PALM2AKAP2: variants seen among roughly 807,000 people sequenced by gnomAD.
The protein encoded by PALM2AKAP2 is PALM2 and AKAP2 fusion.
Under a neutral mutation model 71.5 loss-of-function variants are expected in PALM2AKAP2, and 37 were observed. The observed-to-expected ratio is 0.52, with a 90% CI of 0.40 to 0.68. PALM2AKAP2 has a LOEUF of 0.68. Ranked by LOEUF, PALM2AKAP2 falls within the 30% of genes least tolerant of loss-of-function variation. PALM2AKAP2 has a pLI of 0.00. For synonymous variants in PALM2AKAP2, 468 were observed against 478.8 expected, an observed-to-expected ratio of 0.98 and a Z score of 0.29; for missense variants, 1,224 against 1,191.8, an observed-to-expected ratio of 1.03 and a Z score of -0.40.
intron 1 of PALM2AKAP2, among the ~76,000 whole-genome samples, chr9:109,694,691 G>C (rs1466085265): frequency 6.6e-6 from 1 of 151,970 alleles, no homozygotes; most frequent in East Asian, 1.9e-4. Flanking sequence ...GGTGTATCAG[G>C]AAAAAGAAAT....
At chr9:109,980,645 A>G (rs1055941636) in intron 6 of PALM2AKAP2, among the ~76,000 whole-genome samples, 1 of 152,184 alleles carries the variant, frequency 6.6e-6, no homozygotes, top group Non-Finnish European at 1.5e-5. Flanking sequence ...ATACTGAATC[A>G]GAGCATCTGA....
intron 1 of PALM2AKAP2, among the ~76,000 whole-genome samples, chr9:109,694,305 G>C (rs1476943772): frequency 6.6e-6 from 1 of 151,932 alleles, no homozygotes; most frequent in African/African-American, 2.4e-5. Flanking sequence ...TAAAAAATCA[G>C]CCATTAAGAA....
intron 1 of PALM2AKAP2, among the ~76,000 whole-genome samples, chr9:109,681,023 A>G (rs772181778): frequency 5.9e-5 from 9 of 152,264 alleles, no homozygotes; most frequent in Non-Finnish European, 1.2e-4. Context: ...TTATTTTTCA[A>G]TGTAAAGTTA....
At chr9:109,825,962 C>G (rs1288852469) in intron 1 of PALM2AKAP2, among the ~76,000 whole-genome samples, 5 of 152,252 alleles carry the variant, frequency 3.3e-5, no homozygotes, top group East Asian at 3.9e-4. Flanking sequence ...TTGGAACCAA[C>G]CCAAATGTCC....
intron 6 of PALM2AKAP2, among the ~76,000 whole-genome samples, chr9:110,008,237 A>C (rs1418543226): frequency 6.6e-6 from 1 of 152,120 alleles, no homozygotes; most frequent in Middle Eastern, 3.2e-3. Context: ...AGGACAGAAG[A>C]ATGTCAGAGA....
At chr9:109,854,399 C>G (rs568522638) in intron 1 of PALM2AKAP2, among the ~76,000 whole-genome samples, 1 of 152,320 alleles carries the variant, frequency 6.6e-6, no homozygotes, top group African/African-American at 2.4e-5. Context: ...TCCCTCTGGC[C>G]ACAGGCAACT....
chr9:109,938,566 A>G (rs1195121167), intron 6 of PALM2AKAP2, among the ~76,000 whole-genome samples: 3 of 152,198 alleles, frequency 2.0e-5, no homozygotes, highest in Non-Finnish European at 4.4e-5. Context: ...GAATATTGGA[A>G]GAATAGTGTA....
chr9:109,774,184 C>T (rs566138188), intron 1 of PALM2AKAP2, among the ~76,000 whole-genome samples: 1 of 152,328 alleles, frequency 6.6e-6, no homozygotes, highest in Non-Finnish European at 1.5e-5. Flanking sequence ...CGGAGCACAT[C>T]GTGGTCATTG....
At chr9:109,915,858 C>G (rs537168528) in intron 3 of PALM2AKAP2, among the ~76,000 whole-genome samples, 1 of 152,188 alleles carries the variant, frequency 6.6e-6, no homozygotes, top group South Asian at 2.1e-4. Flanking sequence ...CCTCTCCAAA[C>G]AGTAAAACAA....
intron 1 of PALM2AKAP2, among the ~76,000 whole-genome samples, chr9:109,727,680 A>G (rs1218395881): frequency 2.6e-5 from 4 of 152,234 alleles, no homozygotes; most frequent in East Asian, 1.9e-4. Flanking sequence ...GTGAAAGCTT[A>G]TACTACAACC....
intron 3 of PALM2AKAP2, among the ~76,000 whole-genome samples, chr9:109,887,412 G>A (rs1829990741): frequency 1.3e-5 from 2 of 152,158 alleles, no homozygotes; most frequent in African/African-American, 2.4e-5. Context: ...CCCACGTTCA[G>A]CCACATTTGC....
chr9:109,702,159 C>G (rs1378671312), intron 1 of PALM2AKAP2, among the ~76,000 whole-genome samples: 1 of 152,048 alleles, frequency 6.6e-6, no homozygotes, highest in Admixed American at 6.5e-5. Flanking sequence ...TAAACTAGTT[C>G]AACCATTGTG....
At chr9:110,049,245 C>T (rs1833661857) in intron 1 of PALM2AKAP2, among the ~76,000 whole-genome samples, 1 of 152,224 alleles carries the variant, frequency 6.6e-6, no homozygotes, top group Non-Finnish European at 1.5e-5. Context: ...ATCTCCTGCC[C>T]CGGGAGCACC....
At chr9:109,722,763 C>A (rs1443456855) in intron 1 of PALM2AKAP2, among the ~76,000 whole-genome samples, 1 of 152,154 alleles carries the variant, frequency 6.6e-6, no homozygotes, top group African/African-American at 2.4e-5. Flanking sequence ...CAGAGTGAGA[C>A]CCTGTCTCAT....
chr9:109,819,775 G>A (rs1039472333), intron 1 of PALM2AKAP2, among the ~76,000 whole-genome samples: 1 of 151,796 alleles, frequency 6.6e-6, no homozygotes, highest in African/African-American at 2.4e-5. Context: ...CCATAGCACT[G>A]CATATACAAA....
intron 2 of PALM2AKAP2, among the ~76,000 whole-genome samples, chr9:110,147,619 A>G (rs1342344755): frequency 6.6e-6 from 1 of 152,096 alleles, no homozygotes; most frequent in Non-Finnish European, 1.5e-5. Flanking sequence ...CTACGGGGGG[A>G]AAAAATAGCT....
At chr9:110,048,555 T>TGGGGA (rs756175260), upstream of PALM2AKAP2, 117 of 659,722 alleles carry the variant, frequency 1.8e-4, no homozygotes, top group Middle Eastern at 8.4e-4. Context: ...TGTGGGTAGA[T>TGGGGA]GGGGAGGGGA....
At chr9:110,012,347 A>G (rs1832899630) in intron 6 of PALM2AKAP2, among the ~76,000 whole-genome samples, 1 of 152,132 alleles carries the variant, frequency 6.6e-6, no homozygotes, top group Admixed American at 6.5e-5. Context: ...ACCCCCTGGT[A>G]ATTTCTTACT....
chr9:109,935,909 A>G (rs1831208100), intron 6 of PALM2AKAP2, among the ~76,000 whole-genome samples: 2 of 152,192 alleles, frequency 1.3e-5, no homozygotes, highest in African/African-American at 4.8e-5. Flanking sequence ...GGCACTTTAC[A>G]GGCTGAAAAC....
Sources: allele counts gnomAD v4.1 joint callset (sites outside exome capture counted in the v4.1 genomes callset), GRCh38; gene constraint gnomAD v4.1.1; transcripts MANE v1.5; gene names NCBI Gene and HGNC (gene_info 2026-07-23, HGNC 2026-07-21).